CA10: variants seen among roughly 807,000 people sequenced by gnomAD.
CA10 encodes the protein carbonic anhydrase-related protein 10.
CA10 carries 14 observed loss-of-function variants against 44.2 expected under a neutral mutation model. That is an observed-to-expected ratio of 0.32 (90% confidence interval 0.21 to 0.50). CA10 has a LOEUF of 0.50. CA10 is among the 20% of genes least tolerant of loss of function. The probability of loss-of-function intolerance (pLI) is 0.99; values close to 1 mark genes in which losing one functional copy is unlikely to be tolerated. For missense variants in CA10, 350 were observed against 409.7 expected, an observed-to-expected ratio of 0.85 and a Z score of 1.26; for synonymous variants, 159 against 141.6, an observed-to-expected ratio of 1.12 and a Z score of -0.87.
chr17:52,146,715 T>TA (rs1484074058), intron 1 of CA10, among the ~76,000 whole-genome samples: 17 of 151,360 alleles, frequency 1.1e-4, no homozygotes, highest in African/African-American at 4.1e-4. Context: ...AAAATAAAAA[T>TA]AAAAATAAGA....
chr17:51,997,225 A>T (rs1174342145), intron 2 of CA10, among the ~76,000 whole-genome samples: 1 of 151,962 alleles, frequency 6.6e-6, no homozygotes, highest in Non-Finnish European at 1.5e-5. Flanking sequence ...ACCATTGTAG[A>T]TCTATTATTT....
At chr17:52,079,286 A>T (rs2143164195) in intron 1 of CA10, among the ~76,000 whole-genome samples, 1 of 152,124 alleles carries the variant, frequency 6.6e-6, no homozygotes, top group South Asian at 2.1e-4. Flanking sequence ...ACTCCGTCTC[A>T]AAAAACAAAA....
intron 6 of CA10, among the ~76,000 whole-genome samples, chr17:51,640,240 C>T (rs971874779): frequency 1.3e-5 from 2 of 152,188 alleles, no homozygotes; most frequent in Admixed American, 1.3e-4. Flanking sequence ...TTCTGCTCAG[C>T]AGCTCTACCT....
intron 3 of CA10, among the ~76,000 whole-genome samples, chr17:51,754,896 A>T (rs1905031250): frequency 6.6e-6 from 1 of 152,112 alleles, no homozygotes; most frequent in Non-Finnish European, 1.5e-5. Context: ...TATATATATA[A>T]TACAAATATG....
At chr17:52,006,328 T>C (rs1291385647) in intron 2 of CA10, among the ~76,000 whole-genome samples, 2 of 151,842 alleles carry the variant, frequency 1.3e-5, no homozygotes, top group Admixed American at 1.3e-4. Flanking sequence ...AAATTGGGGC[T>C]AAATATGGGG....
intron 2 of CA10, among the ~76,000 whole-genome samples, chr17:52,016,941 A>G (rs1265013422): frequency 6.6e-6 from 1 of 151,928 alleles, no homozygotes; most frequent in African/African-American, 2.4e-5. Flanking sequence ...AAAATAAAAT[A>G]ACCTGGCACT....
chr17:51,844,823 G>A (rs984562947), intron 3 of CA10, among the ~76,000 whole-genome samples: 4 of 152,130 alleles, frequency 2.6e-5, no homozygotes, highest in Non-Finnish European at 5.9e-5. Context: ...AGAGTGGATT[G>A]CATAGAAACA....
At chr17:51,665,681 C>T (rs1290936742) in intron 4 of CA10, among the ~76,000 whole-genome samples, 2 of 152,100 alleles carry the variant, frequency 1.3e-5, no homozygotes, top group South Asian at 2.1e-4. Flanking sequence ...AGCATGTTAC[C>T]GTACTGAATA....
chr17:51,944,095 C>A (rs1983185892), intron 2 of CA10, among the ~76,000 whole-genome samples: 1 of 152,022 alleles, frequency 6.6e-6, no homozygotes, highest in African/African-American at 2.4e-5. Flanking sequence ...GTTCTAATCC[C>A]AAGAAAGAAA....
At chr17:51,678,151 A>G (rs1010578229) in intron 4 of CA10, among the ~76,000 whole-genome samples, 19 of 152,220 alleles carry the variant, frequency 1.2e-4, no homozygotes, top group African/African-American at 4.3e-4. Context: ...CACATATTGT[A>G]TAATAATATG....
At chr17:51,910,657 G>C (rs969134659) in intron 3 of CA10, among the ~76,000 whole-genome samples, 1 of 152,130 alleles carries the variant, frequency 6.6e-6, no homozygotes, top group Non-Finnish European at 1.5e-5. Flanking sequence ...AATGGACAAC[G>C]TAGTTACGCC....
At chr17:51,779,193 C>T (rs555959444) in intron 3 of CA10, among the ~76,000 whole-genome samples, 48 of 152,168 alleles carry the variant, frequency 3.2e-4, no homozygotes, top group Non-Finnish European at 4.4e-4. Context: ...GTAAGTGCCT[C>T]GAGAGCCCTG....
Position 51,844,340 on chromosome 17 carries a change from T to C in CA10, c.279+86650A>G, listed in dbSNP as rs571794650. Among the ~76,000 whole-genome samples, 3 of 152,346 alleles carry C rather than the reference T, an allele frequency of 2.0e-5. No homozygotes were observed. In the East Asian group the frequency reaches 5.8e-4, roughly 29 times the overall value. Reference sequence around the variant, plus strand: ...ATATGTTGTGAAATCATGTAATTTTTATTAGAAAAATTGTAACAAAAGTTG... The same window carrying C: ...ATATGTTGTGAAATCATGTAATTTTCATTAGAAAAATTGTAACAAAAGTTG... On this transcript the variant is annotated intron_variant, in intron 3 of 8. Coordinates refer to ENST00000451037, the MANE Select transcript of CA10 (RefSeq NM_020178.5).
intron 3 of CA10, among the ~76,000 whole-genome samples, chr17:51,765,734 T>TGC (rs1905356922): frequency 6.6e-6 from 1 of 150,704 alleles, no homozygotes; most frequent in East Asian, 2.0e-4. Flanking sequence ...TATGTGTGTG[T>TGC]GCATGCATGT....
chr17:52,148,336 G>C (rs1385732338), intron 1 of CA10, among the ~76,000 whole-genome samples: 1 of 152,198 alleles, frequency 6.6e-6, no homozygotes, highest in Non-Finnish European at 1.5e-5. Flanking sequence ...ATGGAGAAAA[G>C]AATGACAATG....
At chr17:51,829,927 G>A (rs973022877) in intron 3 of CA10, among the ~76,000 whole-genome samples, 7 of 152,100 alleles carry the variant, frequency 4.6e-5, no homozygotes, top group African/African-American at 1.7e-4. Flanking sequence ...GGCCGGGCGC[G>A]GTGGCTCACG....
At chr17:51,632,696 A>G (rs1453317735) in intron 8 of CA10, among the ~76,000 whole-genome samples, 3 of 152,204 alleles carry the variant, frequency 2.0e-5, no homozygotes, top group African/African-American at 7.2e-5. Flanking sequence ...AACTAGGCCC[A>G]GAACTTGGGT....
chr17:51,641,347 C>T (rs1913079951), intron 6 of CA10, among the ~76,000 whole-genome samples: 1 of 152,076 alleles, frequency 6.6e-6, no homozygotes, highest in Non-Finnish European at 1.5e-5. Flanking sequence ...CTTGAGGATA[C>T]CAAACAGTCC....
At chr17:52,104,548 C>A (rs1395083314) in intron 1 of CA10, among the ~76,000 whole-genome samples, 1 of 152,156 alleles carries the variant, frequency 6.6e-6, no homozygotes, top group Non-Finnish European at 1.5e-5. Flanking sequence ...AGGGCACAAA[C>A]AACAATAACT....
Sources: allele counts gnomAD v4.1 joint callset (sites outside exome capture counted in the v4.1 genomes callset), GRCh38; gene constraint gnomAD v4.1.1; transcripts MANE v1.5; gene names NCBI Gene and HGNC (gene_info 2026-07-23, HGNC 2026-07-21).